SUGCT: variants seen among roughly 807,000 people sequenced by gnomAD.
SUGCT encodes the protein succinyl-CoA:glutarate CoA-transferase.
Under a neutral mutation model 55.0 loss-of-function variants are expected in SUGCT, and 41 were observed. That is an observed-to-expected ratio of 0.74 (90% CI 0.58 to 0.97). SUGCT has a LOEUF of 0.97. Among genes scored for constraint, SUGCT ranks in the 50% least tolerant of loss-of-function variants. The probability of loss-of-function intolerance (pLI) is 0.00; values close to 1 mark genes in which losing one functional copy is unlikely to be tolerated. For missense variants in SUGCT, 568 were observed against 547.8 expected (o/e 1.04, Z -0.37); for synonymous variants, 187 against 200.4 (o/e 0.93, Z 0.56).
At chr7:40,230,047 C>T (rs971159294) in intron 6 of SUGCT, among the ~76,000 whole-genome samples, 4 of 152,162 alleles carry the variant, frequency 2.6e-5, no homozygotes, top group Non-Finnish European at 4.4e-5. Flanking sequence ...AACCTTCTAG[C>T]TAATAACAAT....
chr7:40,630,175 T>C (rs1210214670), intron 12 of SUGCT, among the ~76,000 whole-genome samples: 4 of 152,236 alleles, frequency 2.6e-5, no homozygotes, highest in Admixed American at 2.6e-4. Flanking sequence ...GAAACCTGTC[T>C]CCTGTGAGCT....
intron 7 of SUGCT, among the ~76,000 whole-genome samples, chr7:40,271,190 TG>T (rs1791983108): frequency 6.6e-6 from 1 of 152,252 alleles, no homozygotes; most frequent in South Asian, 2.1e-4. Flanking sequence ...TATTTCTTTT[TG>T]TACCCTAACT....
chr7:40,245,426 T>TA (rs60870284), intron 7 of SUGCT, among the ~76,000 whole-genome samples: 1,813 of 21,076 alleles, frequency 0.086, 282 homozygotes, highest in Admixed American at 0.13. Context: ...TATATATATT[T>TA]TTTTTTTTTT....
intron 9 of SUGCT, among the ~76,000 whole-genome samples, chr7:40,322,951 C>T (rs1237117483): frequency 4.1e-5 from 2 of 48,900 alleles, no homozygotes; most frequent in Non-Finnish European, 7.9e-5. Context: ...AGTGACAGAG[C>T]GAGACCCTGT....
At chr7:40,322,629 G>A (rs1374004646) in intron 9 of SUGCT, among the ~76,000 whole-genome samples, 3 of 152,142 alleles carry the variant, frequency 2.0e-5, no homozygotes, top group African/African-American at 7.2e-5. Context: ...TTGCCCAAGA[G>A]GCCGGTCTTG....
At chr7:40,799,314 T>C (rs79587941) in intron 13 of SUGCT, among the ~76,000 whole-genome samples, 1 of 152,232 alleles carries the variant, frequency 6.6e-6, no homozygotes, top group African/African-American at 2.4e-5. Flanking sequence ...TTGGAAAATT[T>C]TGATAGCTTT....
At chr7:40,418,733 C>A (rs558571474) in intron 9 of SUGCT, among the ~76,000 whole-genome samples, 1 of 152,268 alleles carries the variant, frequency 6.6e-6, no homozygotes, top group South Asian at 2.1e-4. Flanking sequence ...GTGACAGCTT[C>A]TCCCCTGTAA....
chr7:40,832,780 T>C (rs1012238501), intron 13 of SUGCT, among the ~76,000 whole-genome samples: 5 of 151,794 alleles, frequency 3.3e-5, no homozygotes, highest in African/African-American at 1.2e-4. Flanking sequence ...GTTCACGCCA[T>C]TCTCTTGCCT....
chr7:40,970,638 G>T, the SUGCT span, among the ~76,000 whole-genome samples: 1 of 152,156 alleles, frequency 6.6e-6, no homozygotes, highest in Non-Finnish European at 1.5e-5. Flanking sequence ...AAAAGCAAAG[G>T]GTGGTAAGTG....
intron 7 of SUGCT, among the ~76,000 whole-genome samples, chr7:40,260,976 A>C (rs1791185490): frequency 6.6e-6 from 1 of 151,058 alleles, no homozygotes; most frequent in Admixed American, 6.6e-5. Context: ...CCCCACCCCC[A>C]CTTTTTTTTT....
At chr7:40,506,191 G>A (rs1170817287) in intron 12 of SUGCT, among the ~76,000 whole-genome samples, 2 of 152,064 alleles carry the variant, frequency 1.3e-5, no homozygotes, top group Non-Finnish European at 2.9e-5. Context: ...TATTAGCAAT[G>A]TGAATTTTTT....
chr7:40,555,340 C>G (rs1795506008), intron 12 of SUGCT, among the ~76,000 whole-genome samples: 1 of 150,602 alleles, frequency 6.6e-6, no homozygotes, highest in African/African-American at 2.4e-5. Flanking sequence ...TCATGGAATT[C>G]TGAGCCTCAA....
intron 6 of SUGCT, among the ~76,000 whole-genome samples, chr7:40,211,368 C>G (rs1045233222): frequency 2.0e-5 from 3 of 152,140 alleles, no homozygotes; most frequent in Non-Finnish European, 4.4e-5. Flanking sequence ...TGCCCACCAT[C>G]ATGCCTGGCT....
At chr7:40,665,618 G>T (rs1801586229) in intron 12 of SUGCT, among the ~76,000 whole-genome samples, 2 of 152,024 alleles carry the variant, frequency 1.3e-5, no homozygotes, top group Admixed American at 1.3e-4. Flanking sequence ...AGGAATAAAA[G>T]TTTCCACTAG....
chr7:40,866,639 G>A, the SUGCT span, among the ~76,000 whole-genome samples: 124 of 151,810 alleles, frequency 8.2e-4, no homozygotes, highest in Middle Eastern at 3.4e-3. Flanking sequence ...TCAGAAACAC[G>A]ACAGAGCCGA....
chr7:40,368,404 G>A (rs996249938), intron 9 of SUGCT, among the ~76,000 whole-genome samples: 1 of 151,906 alleles, frequency 6.6e-6, no homozygotes, highest in African/African-American at 2.4e-5. Flanking sequence ...TCACTGTGGT[G>A]GCCAGACTGG....
intron 12 of SUGCT, among the ~76,000 whole-genome samples, chr7:40,644,232 T>C (rs1401848804): frequency 6.6e-6 from 1 of 152,172 alleles, no homozygotes; most frequent in South Asian, 2.1e-4. Context: ...CATTATTGAT[T>C]TCCCCCATAT....
intron 13 of SUGCT, among the ~76,000 whole-genome samples, chr7:40,811,175 A>G (rs1357455004): frequency 2.0e-5 from 3 of 151,998 alleles, no homozygotes; most frequent in Non-Finnish European, 4.4e-5. Context: ...TAGCCTTATA[A>G]TATAGTTTGA....
the SUGCT span, among the ~76,000 whole-genome samples, chr7:40,888,157 C>A: frequency 6.6e-6 from 1 of 152,082 alleles, no homozygotes; most frequent in Non-Finnish European, 1.5e-5. Flanking sequence ...CTACACAGAC[C>A]GAGAGGAACT....
Sources: gnomAD v4.1 joint callset for allele counts (sites outside exome capture counted in the v4.1 genomes callset) on GRCh38, gnomAD v4.1.1 for gene constraint, MANE v1.5 for transcripts, NCBI Gene and HGNC (gene_info 2026-07-23, HGNC 2026-07-21) for gene names.